Variants in HIVEP3 observed in about 807,000 individuals in gnomAD.
HIVEP3 encodes the protein transcription factor HIVEP3.
In HIVEP3, 49 loss-of-function variants were observed where a neutral mutation model predicts 152.8. The ratio of observed to expected loss-of-function variants is 0.32; its 90% CI spans 0.26 to 0.41. The LOEUF is 0.41. HIVEP3 is among the 10% of genes least tolerant of loss of function. The pLI is 1.00. For missense variants in HIVEP3, 2,790 were observed against 3,103.3 expected (o/e 0.90, Z 2.40); for synonymous variants, 1,269 against 1,289.0 (o/e 0.98, Z 0.33).
chr1:41,991,534 A>T (rs1241574202), intron 1 of HIVEP3, among the ~76,000 whole-genome samples: 6 of 148,044 alleles, frequency 4.1e-5, no homozygotes, highest in Admixed American at 2.7e-4. Flanking sequence ...AGAGTCCAGG[A>T]CCAGATGGAT....
chr1:41,643,698 G>T (rs959916533), intron 2 of HIVEP3, among the ~76,000 whole-genome samples: 9 of 152,140 alleles, frequency 5.9e-5, no homozygotes, highest in African/African-American at 2.2e-4. Flanking sequence ...GCAGATGCTT[G>T]CCCTGGTGTT....
chr1:41,579,910 A>T lies in HIVEP3; in HGVS notation c.4888T>A (p.Trp1630Arg). The T allele has an allele frequency of 6.2e-7, 1 of 1,614,230 alleles. No individual in the cohort carries two copies. The highest frequency in any genetic ancestry group is 8.5e-7 in the Non-Finnish European group (1 of 1,180,036). Residue 1630 changes from tryptophan to arginine, a missense_variant, in exon 4 of 9, where the codon TGG becomes AGG. Trp to Arg is a moderately radical substitution (Grantham distance 101, BLOSUM62 -3). Coordinates refer to ENST00000372583, the MANE Select transcript of HIVEP3 (RefSeq NM_024503.5). Reference sequence around the variant, plus strand: ...TTGGGGTTGTACAAACTTATGCACCAACCAGCGTAAACAGAGGACCTCCTA... The same window carrying T: ...TTGGGGTTGTACAAACTTATGCACCTACCAGCGTAAACAGAGGACCTCCTA... ...ADRRSSVYAGWCISLYNPNLP... is the reference protein window; with the variant it reads ...ADRRSSVYAGRCISLYNPNLP...
At chr1:41,999,357 A>G (rs1213327192) in intron 1 of HIVEP3, among the ~76,000 whole-genome samples, 2 of 152,182 alleles carry the variant, frequency 1.3e-5, no homozygotes, top group Non-Finnish European at 2.9e-5. Context: ...AGAATTGGAG[A>G]AAAGAAGTGA....
chr1:41,993,359 C>T (rs1361480370), intron 1 of HIVEP3, among the ~76,000 whole-genome samples: 32 of 150,852 alleles, frequency 2.1e-4, no homozygotes, highest in Non-Finnish European at 3.6e-4. Context: ...AGACACTTCT[C>T]AAAAGAAGAC....
intron 2 of HIVEP3, among the ~76,000 whole-genome samples, chr1:41,686,076 GTTTTGTTTTT>G (rs1383537210): frequency 6.6e-6 from 1 of 150,556 alleles, no homozygotes; most frequent in African/African-American, 2.5e-5. Flanking sequence ...GTTTTGTTTT[GTTTTGTTTTT>G]TTTGAGATGG....
intron 2 of HIVEP3, among the ~76,000 whole-genome samples, chr1:41,631,802 T>C (rs1202910512): frequency 2.6e-5 from 4 of 152,294 alleles, no homozygotes; most frequent in South Asian, 4.1e-4. Context: ...TGCCCTCCAA[T>C]AGATTGCAGT....
At chr1:41,814,782 C>A (rs1261476298) in intron 1 of HIVEP3, among the ~76,000 whole-genome samples, 1 of 152,168 alleles carries the variant, frequency 6.6e-6, no homozygotes, top group Non-Finnish European at 1.5e-5. Flanking sequence ...CCAAGAAATT[C>A]TTTTCCCCAT....
chr1:41,988,776 T>C (rs1645339494), intron 1 of HIVEP3, among the ~76,000 whole-genome samples: 1 of 152,230 alleles, frequency 6.6e-6, no homozygotes, highest in South Asian at 2.1e-4. Flanking sequence ...CCATGTTCAC[T>C]GCAGCATTAT....
intron 5 of HIVEP3, among the ~76,000 whole-genome samples, chr1:41,530,655 G>A (rs1277091733): frequency 6.6e-6 from 1 of 152,166 alleles, no homozygotes; most frequent in African/African-American, 2.4e-5. Context: ...TCAGCCTAAT[G>A]GTGTCCTTCA....
intron 1 of HIVEP3, among the ~76,000 whole-genome samples, chr1:41,986,750 T>C (rs555843805): frequency 1.3e-5 from 2 of 152,364 alleles, no homozygotes; most frequent in East Asian, 3.9e-4. Flanking sequence ...GAATAGGACA[T>C]TTTTAACACA....
chr1:41,687,795 G>T (rs1312164706), intron 2 of HIVEP3, among the ~76,000 whole-genome samples: 1 of 152,194 alleles, frequency 6.6e-6, no homozygotes, highest in Non-Finnish European at 1.5e-5. Context: ...TCTGTCAGTG[G>T]TTTTTAACCT....
intron 5 of HIVEP3, among the ~76,000 whole-genome samples, chr1:41,529,542 G>A (rs1226782367): frequency 1.1e-4 from 2 of 18,934 alleles, no homozygotes; most frequent in Admixed American, 6.1e-4. Flanking sequence ...TCACACACCC[G>A]ACTCTCCTCC....
At chr1:41,647,506 C>T (rs1419019777) in intron 2 of HIVEP3, among the ~76,000 whole-genome samples, 1 of 152,230 alleles carries the variant, frequency 6.6e-6, no homozygotes, top group East Asian at 1.9e-4. Context: ...CATGGAAAGC[C>T]TCCCCTTCCC....
At chr1:41,989,715 GA>G (rs141136479) in intron 1 of HIVEP3, among the ~76,000 whole-genome samples, 14 of 151,200 alleles carry the variant, frequency 9.3e-5, no homozygotes, top group South Asian at 4.2e-4. Flanking sequence ...CTCAGCAAAA[GA>G]AAAAAAAATC....
intron 5 of HIVEP3, among the ~76,000 whole-genome samples, chr1:41,559,862 TA>T (rs770452024): frequency 2.0e-4 from 31 of 152,356 alleles, no homozygotes; most frequent in Admixed American, 3.3e-4. Context: ...GTACCGTGAG[TA>T]CTTCATAGGT....
In HIVEP3 at chr1:41,585,086, A is replaced by T; in HGVS notation, c.-289T>A. On this transcript the variant is annotated 5_prime_UTR_variant, in exon 4 of 9. It removes an upstream start codon present in the reference 5' UTR. Coordinates refer to ENST00000372583, the MANE Select transcript of HIVEP3 (RefSeq NM_024503.5). ...CCTGAATGTCTGTCGGGAAAACGTC[A>T]TGAAGGATGTCAGTATTGCCATTGT... 2.5e-6 allele frequency: 1 copy of T among 401,968 alleles called. No individual in the cohort carries two copies. The highest frequency in any genetic ancestry group is 3.5e-5 in the East Asian group (1 of 28,170). The allele number at this position is 401,968 out of a possible 1,614,324, so 24.9% of individuals were successfully genotyped here.
chr1:41,716,714 C>G (rs74070888), intron 1 of HIVEP3, among the ~76,000 whole-genome samples: 4,839 of 152,262 alleles, frequency 0.032, 253 homozygotes, highest in African/African-American at 0.11. Flanking sequence ...CCAGGCAGGT[C>G]TGGGTCACGG....
chr1:41,724,312 C>T (rs1227883514), intron 1 of HIVEP3, among the ~76,000 whole-genome samples: 1 of 152,234 alleles, frequency 6.6e-6, no homozygotes, highest in African/African-American at 2.4e-5. Context: ...TGGGATCCTC[C>T]TCTGAGAACA....
At chr1:41,707,597 A>G (rs1385911084) in intron 1 of HIVEP3, among the ~76,000 whole-genome samples, 1 of 152,198 alleles carries the variant, frequency 6.6e-6, no homozygotes, top group East Asian at 1.9e-4. Flanking sequence ...TTTCATTCCA[A>G]GAGGGAAGAA....
Sources: allele counts gnomAD v4.1 joint callset (sites outside exome capture counted in the v4.1 genomes callset), GRCh38; gene constraint gnomAD v4.1.1; transcripts MANE v1.5; gene names NCBI Gene and HGNC (gene_info 2026-07-23, HGNC 2026-07-21).